FSTL5: variants seen among roughly 807,000 people sequenced by gnomAD.
The protein encoded by FSTL5 is follistatin-related protein 5.
Under a neutral mutation model 89.1 loss-of-function variants are expected in FSTL5, and 62 were observed. The observed-to-expected ratio is 0.70, with a 90% CI of 0.57 to 0.86. The LOEUF is 0.86. Among genes scored for constraint, FSTL5 ranks in the 40% least tolerant of loss-of-function variants. The pLI, the probability that FSTL5 is intolerant of heterozygous loss-of-function variation, is 0.00. For synonymous variants in FSTL5, 383 were observed against 346.2 expected (o/e 1.11, Z -1.18); for missense variants, 1,057 against 1,001.6 (o/e 1.06, Z -0.75).
At chr4:161,431,067 T>C (rs1432927160) in intron 15 of FSTL5, among the ~76,000 whole-genome samples, 1 of 152,194 alleles carries the variant, frequency 6.6e-6, no homozygotes, top group Non-Finnish European at 1.5e-5. Flanking sequence ...AAGACAGTTA[T>C]CTGATCTGAA....
At chr4:161,629,738 A>G (rs1191417388) in intron 7 of FSTL5, among the ~76,000 whole-genome samples, 2 of 152,204 alleles carry the variant, frequency 1.3e-5, no homozygotes, top group Non-Finnish European at 2.9e-5. Flanking sequence ...TGGCCGAGTC[A>G]GTTCACACCA....
intron 2 of FSTL5, among the ~76,000 whole-genome samples, chr4:162,040,971 T>G (rs1277216594): frequency 6.6e-6 from 1 of 151,664 alleles, no homozygotes; most frequent in Non-Finnish European, 1.5e-5. Flanking sequence ...CCTGCAAGAG[T>G]GGACACTTTT....
At chr4:161,908,728 T>C (rs1733607477) in intron 4 of FSTL5, among the ~76,000 whole-genome samples, 1 of 152,144 alleles carries the variant, frequency 6.6e-6, no homozygotes, top group Non-Finnish European at 1.5e-5. Context: ...CCCAAAACTT[T>C]ATACACTTTG....
chr4:161,599,754 T>C (rs1011362484), intron 7 of FSTL5, among the ~76,000 whole-genome samples: 2 of 152,116 alleles, frequency 1.3e-5, no homozygotes, highest in African/African-American at 2.4e-5. Context: ...AATTTGCAAA[T>C]ATATTAAGAT....
chr4:161,448,085 C>T (rs747243623), intron 15 of FSTL5, among the ~76,000 whole-genome samples: 12 of 152,130 alleles, frequency 7.9e-5, no homozygotes, highest in Middle Eastern at 3.4e-3. Context: ...TTTCAATATT[C>T]ACTTTTTGAG....
At position 161,437,565 on chromosome 4, in the gene FSTL5, C is replaced by CAAAAAAAAAAAAAAGAAAAAAAA. The variant is rs1732607662; in HGVS notation, c.1841+17438_1841+17439insTTTTTTTTCTTTTTTTTTTTTTT. ...CTGGTGACAGAGTGAGACTCCGTCT[C>CAAAAAAAAAAAAAAGAAAAAAAA]AAAAAAAAAAAAAAAAACGAGGTCA... On this transcript the variant is annotated intron_variant, in intron 15 of 15. Coordinates refer to ENST00000306100, the MANE Select transcript of FSTL5 (RefSeq NM_020116.5). Among the ~76,000 whole-genome samples, 2 of 68,542 alleles carry CAAAAAAAAAAAAAAGAAAAAAAA rather than the reference C, an allele frequency of 2.9e-5. 1 individual carries two copies. Among genetic ancestry groups the CAAAAAAAAAAAAAAGAAAAAAAA allele is most frequent in the Non-Finnish European group, 4.8e-5 (2 of 41,646 alleles). 45.0% of individuals were successfully genotyped at this position (68,542 alleles called of 152,430 possible).
chr4:161,443,023 C>A (rs1732824157), intron 15 of FSTL5, among the ~76,000 whole-genome samples: 1 of 151,894 alleles, frequency 6.6e-6, no homozygotes, highest in African/African-American at 2.4e-5. Flanking sequence ...AATAATGGCT[C>A]CTGCATTTTC....
chr4:162,139,374 G>A (rs994111692), intron 1 of FSTL5, among the ~76,000 whole-genome samples: 3 of 151,982 alleles, frequency 2.0e-5, no homozygotes, highest in African/African-American at 7.2e-5. Context: ...AAGAACATCT[G>A]AGAAATTCCT....
chr4:161,516,659 T>A (rs1237340991), intron 10 of FSTL5, among the ~76,000 whole-genome samples: 1 of 103,564 alleles, frequency 9.7e-6, no homozygotes, highest in East Asian at 2.5e-4. Context: ...TAATAAATTA[T>A]ATATACACAC....
chr4:161,871,847 G>T (rs1439242248), intron 4 of FSTL5, among the ~76,000 whole-genome samples: 2 of 152,082 alleles, frequency 1.3e-5, no homozygotes, highest in Admixed American at 6.6e-5. Context: ...CCTCAAGGTA[G>T]ATAATTATAG....
intron 2 of FSTL5, among the ~76,000 whole-genome samples, chr4:162,086,362 A>T (rs1730318144): frequency 2.1e-5 from 3 of 141,694 alleles, no homozygotes; most frequent in African/African-American, 7.9e-5. Flanking sequence ...TCCCTCCTTT[A>T]TTTTTGCTAT....
chr4:162,118,631 G>A (rs1731741537), intron 1 of FSTL5, among the ~76,000 whole-genome samples: 1 of 152,108 alleles, frequency 6.6e-6, no homozygotes, highest in African/African-American at 2.4e-5. Context: ...CCTCATTAGA[G>A]AATTGGCTGC....
intron 1 of FSTL5, among the ~76,000 whole-genome samples, chr4:162,135,928 G>C (rs1422332649): frequency 6.6e-6 from 1 of 151,868 alleles, no homozygotes; most frequent in Non-Finnish European, 1.5e-5. Flanking sequence ...ATGCTAATGA[G>C]TTTCTGTTTT....
intron 7 of FSTL5, among the ~76,000 whole-genome samples, chr4:161,647,654 A>G (rs961690358): frequency 5.3e-5 from 8 of 152,118 alleles, no homozygotes; most frequent in Non-Finnish European, 1.2e-4. Context: ...TGTGCACTTC[A>G]AAATGTGTTA....
chr4:161,440,727 T>C (rs1320086752), intron 15 of FSTL5, among the ~76,000 whole-genome samples: 7 of 152,258 alleles, frequency 4.6e-5, no homozygotes, highest in Non-Finnish European at 8.8e-5. Context: ...ACATTTTCCT[T>C]TTGGCCTTGA....
chr4:162,080,266 G>C (rs1302218319), intron 2 of FSTL5, among the ~76,000 whole-genome samples: 3 of 151,484 alleles, frequency 2.0e-5, no homozygotes, highest in Non-Finnish European at 4.4e-5. Flanking sequence ...ACTTTTCTAT[G>C]ACAAATTGTG....
chr4:161,768,650 C>A (rs1741101352), intron 5 of FSTL5, among the ~76,000 whole-genome samples: 1 of 151,868 alleles, frequency 6.6e-6, no homozygotes, highest in Non-Finnish European at 1.5e-5. Context: ...ATCAAATATT[C>A]ATGCCATTTT....
intron 4 of FSTL5, among the ~76,000 whole-genome samples, chr4:161,794,925 A>G (rs893218486): frequency 6.6e-6 from 1 of 152,204 alleles, no homozygotes; most frequent in East Asian, 1.9e-4. Flanking sequence ...TAACTAGCTT[A>G]TTGAAGAAAC....
intron 2 of FSTL5, among the ~76,000 whole-genome samples, chr4:162,056,423 G>A (rs1738544286): frequency 6.6e-6 from 1 of 151,150 alleles, no homozygotes; most frequent in Non-Finnish European, 1.5e-5. Flanking sequence ...CCAGTTATGA[G>A]GGTGTGTCCT....
Sources: allele counts gnomAD v4.1 joint callset (sites outside exome capture counted in the v4.1 genomes callset), GRCh38; gene constraint gnomAD v4.1.1; transcripts MANE v1.5; gene names NCBI Gene and HGNC (gene_info 2026-07-23, HGNC 2026-07-21).